Variants in DNPEP observed in about 807,000 individuals in gnomAD.
DNPEP encodes aspartyl aminopeptidase.
A neutral mutation model predicts 59.1 loss-of-function variants in DNPEP; 46 were observed. The ratio of observed to expected loss-of-function variants is 0.78; its 90% confidence interval spans 0.61 to 0.99. The LOEUF is 0.99. Among genes scored for constraint, DNPEP ranks in the 50% least tolerant of loss-of-function variants. DNPEP has a pLI of 0.00. For missense variants in DNPEP, 617 were observed against 649.9 expected, an observed-to-expected ratio of 0.95 and a Z score of 0.55; for synonymous variants, 229 against 242.2, an observed-to-expected ratio of 0.95 and a Z score of 0.50.
At chr2:219,393,088 C>G (rs889040990), upstream of DNPEP, among the ~76,000 whole-genome samples, 2 of 152,162 alleles carry the variant, frequency 1.3e-5, no homozygotes, top group African/African-American at 4.8e-5. Flanking sequence ...CTTCCCTGGG[C>G]CACATTGGAA....
chr2:219,384,576 T>TA, intron 8 of DNPEP, 133 bp from the exon 9 acceptor site: 1 of 513,608 alleles, frequency 1.9e-6, no homozygotes. Flanking sequence ...TTTTGTTTTT[T>TA]CTTTTTTTTG....
chr2:219,392,655 C>T (rs531169355), upstream of DNPEP, among the ~76,000 whole-genome samples: 81 of 152,282 alleles, frequency 5.3e-4, no homozygotes, highest in African/African-American at 1.8e-3. Context: ...ATTACAAGCA[C>T]GCATCACCAT....
chr2:219,385,483 CCAGATGGGCA>C lies in DNPEP; in HGVS notation c.705_714del (p.Cys235TrpfsTer3). On this transcript the variant is annotated frameshift_variant, in exon 8 of 15. Coordinates refer to ENST00000273075, the MANE Select transcript of DNPEP (RefSeq NM_012100.4). LOFTEE classifies it high-confidence loss of function. ...TCCACTATGTCCTTGGGGCTCAGCC[CCAGATGGGCA>C]CAGAGCAGGGACATGAGGACCGAAT... The C allele has an allele frequency of 6.2e-7, 1 of 1,608,156 alleles. No individual in the cohort carries two copies. Among genetic ancestry groups the C allele is most frequent in the Non-Finnish European group, 8.5e-7 (1 of 1,175,082 alleles).
intron 13 of DNPEP, among the ~76,000 whole-genome samples, chr2:219,377,004 T>G (rs1191928535): frequency 1.3e-5 from 2 of 152,128 alleles, no homozygotes; most frequent in Non-Finnish European, 2.9e-5. Context: ...CTAGGCACGG[T>G]GGCTCACACC....
Position 219,385,549 on chromosome 2 carries a change from G to A in DNPEP, c.667-18C>T. 1.2e-6 allele frequency: 2 copies of A among 1,606,852 alleles called. No homozygotes were observed. The highest frequency in any genetic ancestry group is 1.7e-6 in the Non-Finnish European group (2 of 1,174,242). ...CGCTCATCCTGAAGAGCAGAAAGAT[G>A]CTGGGAAGAGTCCATTCCTCCTCTC... On this transcript the variant is annotated intron_variant, in intron 7 of 14. Coordinates refer to ENST00000273075, the MANE Select transcript of DNPEP (RefSeq NM_012100.4).
chr2:219,382,711 G>A (rs899260916), intron 10 of DNPEP, among the ~76,000 whole-genome samples: 1 of 152,188 alleles, frequency 6.6e-6, no homozygotes, highest in African/African-American at 2.4e-5. Flanking sequence ...TGGAAGTCAT[G>A]TGTTCAGGAC....
Position 219,377,940 on chromosome 2 carries a change from TA to T in DNPEP, c.1240-2919del, listed in dbSNP as rs199611865. ...CCTGTTTCTAATTTTAAAAAAACAT[TA>T]AAAAAAAAAACCAAACTCAAATAGA... On this transcript the variant is annotated intron_variant, in intron 13 of 14. Coordinates refer to ENST00000273075, the MANE Select transcript of DNPEP (RefSeq NM_012100.4). Among the ~76,000 whole-genome samples the T allele has an allele frequency of 8.9e-5, 12 of 134,890 alleles. No homozygotes were observed. The South Asian group carries it at 9.5e-4, about 11-fold the overall frequency. The allele number at this position is 134,890 out of a possible 152,430, so 88.5% of individuals were successfully genotyped here.
upstream of DNPEP, among the ~76,000 whole-genome samples, chr2:219,390,624 G>A (rs928944209): frequency 6.6e-6 from 1 of 152,194 alleles, no homozygotes; most frequent in South Asian, 2.1e-4. Flanking sequence ...GGGAGGCAAA[G>A]GCGGGTGGAT....
At position 219,387,804 on chromosome 2, in the gene DNPEP, G is replaced by C; in HGVS notation, c.-10C>G. 2 of 1,584,064 alleles carry C rather than the reference G, an allele frequency of 1.3e-6. No homozygotes were observed. The highest frequency in any genetic ancestry group is 1.7e-6 in the Non-Finnish European group (2 of 1,167,272). ...GGCTGTGTCCGCTCATCTGGCCTCCGGGCTCGGCCCGCCCCCACCGCGCCG... is the reference window on the plus strand; with the variant it reads ...GGCTGTGTCCGCTCATCTGGCCTCCCGGCTCGGCCCGCCCCCACCGCGCCG... On this transcript the variant is annotated 5_prime_UTR_variant, in exon 1 of 15. Transcript: ENST00000273075.
chr2:219,382,064 G>C lies in DNPEP; in HGVS notation c.1012C>G (p.Gln338Glu), dbSNP rs778831010. Reference protein sequence around the residue: ...LVLRRISASCQHPTAFEEAIP... With the variant: ...LVLRRISASCEHPTAFEEAIP... ...GCTTCCTCGAAGGCTGTCGGGTGCT[G>C]GCACGAGGCTGAGATCCGCCGCAGC... Residue 338 changes from glutamine to glutamate, a missense_variant, in exon 11 of 15, where the codon CAG becomes GAG. Coordinates refer to ENST00000273075, the MANE Select transcript of DNPEP (RefSeq NM_012100.4). 1.2e-6 allele frequency: 2 copies of C among 1,614,126 alleles called. No homozygotes were observed. Among genetic ancestry groups the C allele is most frequent in the East Asian group, 4.5e-5 (2 of 44,878 alleles).
chr2:219,386,102 C>T lies in DNPEP; in HGVS notation c.460-4G>A. The stretch of plus-strand genomic sequence containing the variant: ...CCAGCCGACCTGAGGTAGGGCACTG[C>T]AGCCAGCCAGGCCAGGTCAGCCCAG... On this transcript the variant is annotated splice_region_variant and splice_polypyrimidine_tract_variant and intron_variant, in intron 5 of 14. Coordinates refer to ENST00000273075, the MANE Select transcript of DNPEP (RefSeq NM_012100.4). The T allele has an allele frequency of 1.2e-6, 2 of 1,613,990 alleles. No individual in the cohort carries two copies. The highest frequency in any genetic ancestry group is 8.5e-7 in the Non-Finnish European group (1 of 1,179,980).
intron 1 of DNPEP, among the ~76,000 whole-genome samples, chr2:219,395,888 G>C (rs1302137417): frequency 1.3e-5 from 2 of 152,166 alleles, no homozygotes; most frequent in Non-Finnish European, 2.9e-5. Flanking sequence ...TTACTTTGCT[G>C]CTGCAATCCT....
chr2:219,393,497 C>T (rs1255375184), upstream of DNPEP: 1 of 152,256 alleles, frequency 6.6e-6, no homozygotes, highest in African/African-American at 2.4e-5. Flanking sequence ...CCAGGCTGGT[C>T]TCGACCTCCT....
chr2:219,376,877 T>C (rs908847450), intron 13 of DNPEP, among the ~76,000 whole-genome samples: 5 of 86,646 alleles, frequency 5.8e-5, no homozygotes, highest in Non-Finnish European at 8.7e-5. Context: ...TAAGAGGCCA[T>C]TCCTGGTCCA....
chr2:219,378,040 T>A (rs1326833005), intron 13 of DNPEP, among the ~76,000 whole-genome samples: 2 of 152,114 alleles, frequency 1.3e-5, no homozygotes, highest in African/African-American at 4.8e-5. Context: ...AAAGTGTATA[T>A]GAAGTTTATG....
In DNPEP at chr2:219,374,864, G is replaced by C. The variant is rs1317602503; in HGVS notation, c.1398C>G (p.Thr466=). The C allele has an allele frequency of 6.2e-7, 1 of 1,613,680 alleles. No homozygotes were observed. The highest frequency in any genetic ancestry group is 8.5e-7 in the Non-Finnish European group (1 of 1,179,760). The change falls in exon 14 of 15, where the codon ACC becomes ACG. Residue 466 remains threonine, a synonymous_variant. Coordinates refer to ENST00000273075, the MANE Select transcript of DNPEP (RefSeq NM_012100.4). The part of the protein sequence containing the change: ...ACTTGVLQTL[T]LFKGFFELFP... ...CTGGGGTGGGTGTTACCTTGAAGAGGGTGAGGGTCTGGAGGACTCCTGTGG... is the reference window on the plus strand; with the variant it reads ...CTGGGGTGGGTGTTACCTTGAAGAGCGTGAGGGTCTGGAGGACTCCTGTGG...
At chr2:219,379,466 T>G (rs754919145) in intron 13 of DNPEP, among the ~76,000 whole-genome samples, 1 of 151,940 alleles carries the variant, frequency 6.6e-6, no homozygotes, top group Non-Finnish European at 1.5e-5. Flanking sequence ...AACCAAAAAG[T>G]TTAAAAATTT....
intron 1 of DNPEP, chr2:219,399,292 G>A: frequency 2.8e-6 from 1 of 360,962 alleles, no homozygotes; most frequent in Non-Finnish European, 5.4e-6. Context: ...AATATCAAAG[G>A]CCAACACCTA....
chr2:219,387,407 A>T lies in DNPEP; in HGVS notation c.37-244T>A, dbSNP rs1953895978. On this transcript the variant is annotated intron_variant, in intron 1 of 14. Coordinates refer to ENST00000273075, the MANE Select transcript of DNPEP (RefSeq NM_012100.4). ...ATCCGAACTTTAGCCCGACTCCCTA[A>T]GTCCCGCCCCCATGTCCCTGCCCAG... The T allele has an allele frequency of 2.8e-6, 4 of 1,437,510 alleles. No individual in the cohort carries two copies. The African/African-American group carries it at 4.3e-5, about 16-fold the overall frequency. 89.0% of individuals were successfully genotyped at this position (1,437,510 alleles called of 1,614,324 possible). A position where few individuals can be genotyped will look rare whatever the true frequency, so the allele number is the denominator to read the frequency against.
Sources: allele counts gnomAD v4.1 joint callset (sites outside exome capture counted in the v4.1 genomes callset), GRCh38; gene constraint gnomAD v4.1.1; transcripts MANE v1.5; gene names NCBI Gene and HGNC (gene_info 2026-07-23, HGNC 2026-07-21).